CDH18: variants seen among roughly 807,000 people sequenced by gnomAD.
The protein encoded by CDH18 is cadherin 18, also known as cadherin-18.
In CDH18, 31 loss-of-function variants were observed where a neutral mutation model predicts 67.9. The observed-to-expected ratio is 0.46, with a 90% confidence interval of 0.34 to 0.62. The LOEUF is 0.62. CDH18 is among the 20% of genes least tolerant of loss of function. The probability of loss-of-function intolerance (pLI) is 0.01; values close to 1 mark genes in which losing one functional copy is unlikely to be tolerated. For missense variants in CDH18, 890 were observed against 975.5 expected (o/e 0.91, Z 1.17); for synonymous variants, 362 against 347.2 (o/e 1.04, Z -0.48).
At chr5:19,636,289 T>C (rs978684881) in intron 5 of CDH18, among the ~76,000 whole-genome samples, 2 of 152,076 alleles carry the variant, frequency 1.3e-5, no homozygotes, top group African/African-American at 4.8e-5. Flanking sequence ...GAAGGATATA[T>C]GCAAAGTGGT....
At chr5:19,924,302 T>A (rs1473857356) in intron 2 of CDH18, among the ~76,000 whole-genome samples, 2 of 152,138 alleles carry the variant, frequency 1.3e-5, no homozygotes, top group African/African-American at 4.8e-5. Context: ...TTTTTTAAGA[T>A]ATCTTTTTGC....
chr5:20,477,650 A>G (rs1297470307), intron 1 of CDH18, among the ~76,000 whole-genome samples: 1 of 152,190 alleles, frequency 6.6e-6, no homozygotes, highest in Non-Finnish European at 1.5e-5. Context: ...AGCTAGCCCC[A>G]ACGCCATGGG....
intron 1 of CDH18, among the ~76,000 whole-genome samples, chr5:20,457,262 A>C (rs942235966): frequency 3.6e-4 from 55 of 152,212 alleles, no homozygotes; most frequent in Non-Finnish European, 7.3e-5. Context: ...CATGTTAAAA[A>C]GAGGATAAAA....
intron 2 of CDH18, among the ~76,000 whole-genome samples, chr5:20,037,210 C>T (rs1042964093): frequency 4.6e-5 from 7 of 151,944 alleles, no homozygotes; most frequent in South Asian, 2.1e-4. Context: ...TTCATACTGT[C>T]GATGCTCTTT....
intron 5 of CDH18, among the ~76,000 whole-genome samples, chr5:19,638,977 G>GTTTTTTTTTTTTTTTTTTTTTT (rs34631530): frequency 2.0e-3 from 107 of 54,590 alleles, no homozygotes; most frequent in Admixed American, 3.0e-3. Flanking sequence ...TTTTGTTGCT[G>GTTTTTTTTTTTTTTTTTTTTTT]TTTTTTTTTT....
At chr5:19,661,178 T>C (rs891413052) in intron 5 of CDH18, among the ~76,000 whole-genome samples, 115 of 152,184 alleles carry the variant, frequency 7.6e-4, no homozygotes, top group African/African-American at 2.6e-3. Context: ...GCACTTATTT[T>C]CTGATCCCTT....
rs182384184 is a variant in CDH18, at chr5:20,408,490, C to T, written c.-579-152985G>A. Among the ~76,000 whole-genome samples the T allele has an allele frequency of 5.5e-3, 829 of 151,594 alleles. 6 individuals are homozygous for T. Among genetic ancestry groups the T allele is most frequent in the African/African-American group, 0.019 (789 of 41,366 alleles). Reference sequence around the variant, plus strand: ...AGAAGTAAAATATAGAATTTGTATGCCATTGAAGTTAAGTTCTGATTAGTG... The same window carrying T: ...AGAAGTAAAATATAGAATTTGTATGTCATTGAAGTTAAGTTCTGATTAGTG... On this transcript the variant is annotated intron_variant, in intron 1 of 14. Coordinates refer to the CDH18 transcript ENST00000507958.
chr5:19,956,381 A>C (rs1324219171), intron 2 of CDH18, among the ~76,000 whole-genome samples: 1 of 151,950 alleles, frequency 6.6e-6, no homozygotes, highest in African/African-American at 2.4e-5. Context: ...AAAAGATAAC[A>C]CTTTGATTAC....
At chr5:20,176,838 C>G (rs2126669890) in intron 2 of CDH18, among the ~76,000 whole-genome samples, 1 of 152,138 alleles carries the variant, frequency 6.6e-6, no homozygotes, top group Admixed American at 6.6e-5. Context: ...AAAAATTAGC[C>G]CATCTTATTT....
At chr5:20,418,518 ACTAAATACCC>A (rs1747541812) in intron 1 of CDH18, among the ~76,000 whole-genome samples, 1 of 151,928 alleles carries the variant, frequency 6.6e-6, no homozygotes, top group African/African-American at 2.4e-5. Context: ...GACATTTGCT[ACTAAATACCC>A]TGTAATGAAG....
intron 2 of CDH18, among the ~76,000 whole-genome samples, chr5:19,943,906 T>A (rs1490841658): frequency 6.6e-6 from 1 of 152,124 alleles, no homozygotes; most frequent in African/African-American, 2.4e-5. Flanking sequence ...AGTTTTTTTC[T>A]AATAGCTATT....
intron 3 of CDH18, among the ~76,000 whole-genome samples, chr5:19,785,821 A>C (rs949186890): frequency 6.7e-6 from 1 of 149,152 alleles, no homozygotes; most frequent in African/African-American, 2.5e-5. Context: ...TATATAATAC[A>C]TAAAAACACT....
intron 2 of CDH18, among the ~76,000 whole-genome samples, chr5:19,860,978 G>GATATA (rs1365902911): frequency 1.3e-5 from 2 of 152,078 alleles, no homozygotes; most frequent in East Asian, 3.9e-4. Context: ...TCTGAATGTA[G>GATATA]GACTAAGATT....
intron 2 of CDH18, among the ~76,000 whole-genome samples, chr5:20,054,776 C>A (rs1171871351): frequency 2.0e-5 from 3 of 152,158 alleles, no homozygotes; most frequent in Non-Finnish European, 4.4e-5. Flanking sequence ...AAATGTATCC[C>A]CATTCTACAA....
At chr5:20,314,270 T>A (rs983283272) in intron 1 of CDH18, among the ~76,000 whole-genome samples, 1 of 152,012 alleles carries the variant, frequency 6.6e-6, no homozygotes, top group Non-Finnish European at 1.5e-5. Context: ...GTGTATGGCC[T>A]TAGGCTCACT....
chr5:20,035,394 C>T (rs1040097753), intron 2 of CDH18, among the ~76,000 whole-genome samples: 7 of 152,116 alleles, frequency 4.6e-5, no homozygotes, highest in South Asian at 4.1e-4. Context: ...TATTCTCACA[C>T]TGCTATAAAG....
At chr5:19,589,529 T>C (rs1744747675) in intron 7 of CDH18, among the ~76,000 whole-genome samples, 1 of 152,112 alleles carries the variant, frequency 6.6e-6, no homozygotes, top group African/African-American at 2.4e-5. Context: ...ATTACTCTAA[T>C]ATTTATTGAA....
chr5:19,942,607 C>T (rs967214198), intron 2 of CDH18, among the ~76,000 whole-genome samples: 2 of 152,148 alleles, frequency 1.3e-5, no homozygotes, highest in Non-Finnish European at 2.9e-5. Flanking sequence ...AACAAGTAAG[C>T]CCACAGGTTG....
intron 3 of CDH18, among the ~76,000 whole-genome samples, chr5:19,751,980 G>C (rs1015642310): frequency 3.3e-5 from 5 of 152,006 alleles, no homozygotes; most frequent in African/African-American, 1.2e-4. Flanking sequence ...GCTCCTGCAG[G>C]GCCCCCAAGA....
Sources: allele counts gnomAD v4.1 joint callset (sites outside exome capture counted in the v4.1 genomes callset), GRCh38; gene constraint gnomAD v4.1.1; transcripts MANE v1.5; gene names NCBI Gene and HGNC (gene_info 2026-07-23, HGNC 2026-07-21).